The following PIK3CG variants were observed in gnomAD, a reference collection of about 807,000 sequenced individuals.
PIK3CG encodes the protein phosphatidylinositol-4,5-bisphosphate 3-kinase catalytic subunit gamma, also known as phosphatidylinositol 4,5-bisphosphate 3-kinase catalytic subunit gamma isoform.
Under a neutral mutation model 102.3 loss-of-function variants are expected in PIK3CG, and 55 were observed. The ratio of observed to expected loss-of-function variants is 0.54; its 90% CI spans 0.43 to 0.67. PIK3CG has a LOEUF of 0.67. Among genes scored for constraint, PIK3CG ranks in the 30% least tolerant of loss-of-function variants. The probability of loss-of-function intolerance (pLI) is 0.00; values close to 1 mark genes in which losing one functional copy is unlikely to be tolerated. For missense variants in PIK3CG, 1,258 were observed against 1,391.8 expected (o/e 0.90, Z 1.53); for synonymous variants, 552 against 540.0 (o/e 1.02, Z -0.31).
At chr7:106,886,407 A>G in intron 10 of PIK3CG, 115 bp downstream of exon 10, 2 of 976,220 alleles carry the variant, frequency 2.0e-6, no homozygotes, top group Non-Finnish European at 3.0e-6. Flanking sequence ...CTCTACCCCT[A>G]CCCTCTTCTG....
intron 4 of PIK3CG, among the ~76,000 whole-genome samples, chr7:106,873,268 C>A (rs181868750): frequency 9.2e-5 from 14 of 152,244 alleles, no homozygotes; most frequent in Admixed American, 5.2e-4. Context: ...TCTGAATATG[C>A]ACATACAGTT....
intron 5 of PIK3CG, among the ~76,000 whole-genome samples, chr7:106,876,910 T>C (rs1345769368): frequency 6.6e-6 from 1 of 152,184 alleles, no homozygotes; most frequent in Admixed American, 6.5e-5. Flanking sequence ...CTAAGAAATC[T>C]GTCTAGGACT....
In PIK3CG at chr7:106,894,836, T is replaced by C. The variant is rs1229172500; in HGVS notation, c.3030+8544T>C. 6.6e-6 allele frequency among the ~76,000 whole-genome samples: 1 copy of C among 152,200 alleles called. No homozygotes were observed. The highest frequency in any genetic ancestry group is 2.4e-5 in the African/African-American group (1 of 41,456). ...CATCAGTGGTTAATAAATTAGTAGA[T>C]TGTATATAAAAGTAGTTTGTTTTCA... On this transcript the variant is annotated intron_variant, in intron 10 of 10. Transcript: ENST00000496166. The surrounding 1 kb of genome is among the most constrained non-coding windows in gnomAD (Gnocchi z 4.4).
At position 106,906,831 on chromosome 7, in the gene PIK3CG, CTTT is replaced by C. The variant is rs571080689; in HGVS notation, c.*1459_*1461del. ...GACTTTGAGGTAGTCCAGACCTTTT[CTTT>C]TTTTTTTTTTTTTTAATGTGTGCAA... On this transcript the variant is annotated 3_prime_UTR_variant, in exon 11 of 11. Coordinates refer to ENST00000496166, the MANE Select transcript of PIK3CG (RefSeq NM_001282426.2). The C allele has an allele frequency of 1.1e-3, 196 of 180,866 alleles. No homozygotes were observed. Among genetic ancestry groups the C allele is most frequent in the Middle Eastern group, 1.7e-3 (1 of 586 alleles). The allele number at this position is 180,866 out of a possible 1,614,324, so 11.2% of individuals were successfully genotyped here.
In PIK3CG at chr7:106,893,970, A is replaced by G. The variant is rs1319027937; in HGVS notation, c.3030+7678A>G. 6.6e-6 allele frequency among the ~76,000 whole-genome samples: 1 copy of G among 152,224 alleles called. No homozygotes were observed. Among genetic ancestry groups the G allele is most frequent in the Admixed American group, 6.5e-5 (1 of 15,286 alleles). On this transcript the variant is annotated intron_variant, in intron 10 of 10. Coordinates refer to ENST00000496166, the MANE Select transcript of PIK3CG (RefSeq NM_001282426.2). This position sits in a 1 kb window ranked among gnomAD's most constrained non-coding sequence, Gnocchi z 4.4. Reference sequence around the variant, plus strand: ...ATGTTATGCACTTGTGTATCTAAACACATCTGAACGGAAAAGGAACAGTAA... The same window carrying G: ...ATGTTATGCACTTGTGTATCTAAACGCATCTGAACGGAAAAGGAACAGTAA...
In PIK3CG at chr7:106,897,022, T is replaced by C. The variant is rs1484002782; in HGVS notation, c.3031-8087T>C. Among the ~76,000 whole-genome samples the C allele has an allele frequency of 6.6e-6, 1 of 152,208 alleles. No homozygotes were observed. The highest frequency in any genetic ancestry group is 1.9e-4 in the East Asian group (1 of 5,198). On this transcript the variant is annotated intron_variant, in intron 10 of 10. Transcript: ENST00000496166. The surrounding 1 kb of genome is among the most constrained non-coding windows in gnomAD (Gnocchi z 4.6). ...TTATATTCTTTTTTCTATATAAATA[T>C]TTTGTGTTAATTTACCAAAATGGGA...
chr7:106,867,457 C>A lies in PIK3CG; in HGVS notation c.-12-93C>A, dbSNP rs1790325695. The A allele has an allele frequency of 3.4e-6, 4 of 1,165,940 alleles. No homozygotes were observed. Among genetic ancestry groups the A allele is most frequent in the Non-Finnish European group, 4.9e-6 (4 of 819,266 alleles). The allele number at this position is 1,165,940 out of a possible 1,614,324, so 72.2% of individuals were successfully genotyped here. ...CCCTCTGGGTCCCTGTGCACATGTA[C>A]GCCGCCTATACCTCCTCTTCCCTCA... is the stretch of plus-strand genomic sequence containing the variant. On this transcript the variant is annotated intron_variant, in intron 1 of 10. Coordinates refer to ENST00000496166, the MANE Select transcript of PIK3CG (RefSeq NM_001282426.2). This position sits in a 1 kb window ranked among gnomAD's most constrained non-coding sequence, Gnocchi z 5.1.
rs1272565639 is a variant in PIK3CG, at chr7:106,868,866, C to T, written c.1305C>T (p.Cys435=). ...KGALLNLQIY[C]GKAPALSSKA... is the part of the protein sequence containing the mutation. ...CTCTACTGAACCTCCAGATCTACTG[C>T]GGTAAAGCTCCAGCACTGTCCAGCA... Residue 435 remains cysteine (C), a synonymous_variant, in exon 2 of 11, where the codon TGC becomes TGT. Transcript: ENST00000496166. The surrounding 1 kb of genome is among the most constrained non-coding windows in gnomAD (Gnocchi z 6.2). 20 of 1,614,064 alleles carry T rather than the reference C, an allele frequency of 1.2e-5. No homozygotes were observed. The highest frequency in any genetic ancestry group is 4.5e-5 in the East Asian group (2 of 44,892).
At chr7:106,873,927 T>C (rs1399240257) in intron 4 of PIK3CG, among the ~76,000 whole-genome samples, 2 of 152,162 alleles carry the variant, frequency 1.3e-5, no homozygotes, top group African/African-American at 4.8e-5. Flanking sequence ...TCTGGTAAAC[T>C]GTATCAACCT....
At position 106,892,145 on chromosome 7, in the gene PIK3CG, C is replaced by T. The variant is rs1171324855; in HGVS notation, c.3030+5853C>T. On this transcript the variant is annotated intron_variant, in intron 10 of 10. Transcript: ENST00000496166. This position sits in a 1 kb window ranked among gnomAD's most constrained non-coding sequence, Gnocchi z 5.2. ...GGAGACTTGAGTATTCTCCCAAGCC[C>T]AGCCACAGGGACCACAGAGACCTTG... 6.6e-6 allele frequency among the ~76,000 whole-genome samples: 1 copy of T among 152,048 alleles called. No individual in the cohort carries two copies. The highest frequency in any genetic ancestry group is 1.5e-5 in the Non-Finnish European group (1 of 68,002).
rs1790584159 is a variant in PIK3CG at position 106,872,844 on chromosome 7, C to A, written c.2193C>A (p.Asp731Glu). 6.2e-7 allele frequency: 1 copy of A among 1,614,168 alleles called. No homozygotes were observed. Among genetic ancestry groups the A allele is most frequent in the Non-Finnish European group, 8.5e-7 (1 of 1,179,986 alleles). The change falls in exon 4 of 11, where the codon GAC becomes GAA. Residue 731 changes from aspartate to glutamate, a missense_variant. By Grantham distance (45) the Asp-to-Glu change is conservative. Coordinates refer to ENST00000496166, the MANE Select transcript of PIK3CG (RefSeq NM_001282426.2). This position sits in a 1 kb window ranked among gnomAD's most constrained non-coding sequence, Gnocchi z 5.3. Reference protein sequence around the residue: ...LRGCGTAMLHDFTQQVQVIEM... With the variant: ...LRGCGTAMLHEFTQQVQVIEM... ...GCTGTGGCACAGCCATGCTGCACGACTTTACCCAACAAGTCCAAGTAATCG... is the reference window on the plus strand; with the variant it reads ...GCTGTGGCACAGCCATGCTGCACGAATTTACCCAACAAGTCCAAGTAATCG...
chr7:106,890,706 C>A lies in PIK3CG; in HGVS notation c.3030+4414C>A, dbSNP rs930034096. Among the ~76,000 whole-genome samples the A allele has an allele frequency of 6.6e-6, 1 of 152,218 alleles. No homozygotes were observed. Among genetic ancestry groups the A allele is most frequent in the South Asian group, 2.1e-4 (1 of 4,830 alleles). On this transcript the variant is annotated intron_variant, in intron 10 of 10. Coordinates refer to ENST00000496166, the MANE Select transcript of PIK3CG (RefSeq NM_001282426.2). The surrounding 1 kb of genome is among the most constrained non-coding windows in gnomAD (Gnocchi z 4.2). ...GTTCGTCTCTTCAAATTGAGTAAGG[C>A]TGATTAACATCCATGAGATGGTAGT...
At chr7:106,889,909 T>G (rs1043322274) in intron 10 of PIK3CG, among the ~76,000 whole-genome samples, 12 of 152,222 alleles carry the variant, frequency 7.9e-5, no homozygotes, top group African/African-American at 2.9e-4. Flanking sequence ...GAGTATCTAT[T>G]AGCCATTGGA....
chr7:106,899,016 T>C lies in PIK3CG; in HGVS notation c.3031-6093T>C, dbSNP rs1791478809. On this transcript the variant is annotated intron_variant, in intron 10 of 10. Transcript: ENST00000496166. The surrounding 1 kb of genome is among the most constrained non-coding windows in gnomAD (Gnocchi z 4.6). ...CCATGAGCATGGTATGTTTTTCCAT[T>C]TGTTGGTGTCTTCTCTGATTTCTTA... Among the ~76,000 whole-genome samples, 1 of 152,188 alleles carries C rather than the reference T, an allele frequency of 6.6e-6. No homozygotes were observed. Among genetic ancestry groups the C allele is most frequent in the Non-Finnish European group, 1.5e-5 (1 of 68,042 alleles).
At position 106,874,536 on chromosome 7, in the gene PIK3CG, A is replaced by G. The variant is rs1008226783; in HGVS notation, c.2288-164A>G. Among the ~76,000 whole-genome samples the G allele has an allele frequency of 6.6e-6, 1 of 152,192 alleles. No homozygotes were observed. The highest frequency in any genetic ancestry group is 2.4e-5 in the African/African-American group (1 of 41,442). ...TAAGCCCAATGTATCTTGCCACCTC[A>G]TATGGTTAGCTCCTCAAAGGCAGGG... On this transcript the variant is annotated intron_variant, in intron 4 of 10. Transcript: ENST00000496166. This position sits in a 1 kb window ranked among gnomAD's most constrained non-coding sequence, Gnocchi z 4.3.
chr7:106,875,896 C>G (rs1324086051), intron 5 of PIK3CG, among the ~76,000 whole-genome samples: 2 of 143,450 alleles, frequency 1.4e-5, no homozygotes, highest in Non-Finnish European at 3.0e-5. Flanking sequence ...TTGTTATCAT[C>G]AGTTTTTTTT....
rs1360581506 is a variant in PIK3CG, at chr7:106,871,871, A to C, written c.1996-666A>C. Among the ~76,000 whole-genome samples, 5 of 152,356 alleles carry C rather than the reference A, an allele frequency of 3.3e-5. No individual in the cohort carries two copies. The South Asian group carries it at 6.2e-4, about 19-fold the overall frequency. ...ATATGAAAATTACTAAACACTAAAA[A>C]TGAAGATCAAATTATACTTAAGAAA... On this transcript the variant is annotated intron_variant, in intron 2 of 10. Transcript: ENST00000496166.
Position 106,891,679 on chromosome 7 carries a change from C to A in PIK3CG, c.3030+5387C>A, listed in dbSNP as rs1051360219. Among the ~76,000 whole-genome samples the A allele has an allele frequency of 6.6e-6, 1 of 152,122 alleles. No individual in the cohort carries two copies. The highest frequency in any genetic ancestry group is 2.1e-4 in the South Asian group (1 of 4,828). ...CCAAATAACACATCTACAGACAAAT[C>A]TATGCAAAGCAGGTCGTTTGAGGAC... On this transcript the variant is annotated intron_variant, in intron 10 of 10. Coordinates refer to ENST00000496166, the MANE Select transcript of PIK3CG (RefSeq NM_001282426.2). The surrounding 1 kb of genome is among the most constrained non-coding windows in gnomAD (Gnocchi z 4.4).
Position 106,867,891 on chromosome 7 carries a change from C to T in PIK3CG, c.330C>T (p.Tyr110=), listed in dbSNP as rs374729346. 9.8e-5 allele frequency: 158 copies of T among 1,612,724 alleles called. No individual in the cohort carries two copies. The highest frequency in any genetic ancestry group is 1.3e-4 in the Non-Finnish European group (151 of 1,179,824). Residue 110 remains tyrosine (Y), a synonymous_variant, in exon 2 of 11, where the codon TAC becomes TAT. Coordinates refer to ENST00000496166, the MANE Select transcript of PIK3CG (RefSeq NM_001282426.2). The surrounding 1 kb of genome is among the most constrained non-coding windows in gnomAD (Gnocchi z 5.1). ...AGAAGGGGCAGTGGTACGAGATCTA[C>T]GACAAGTACCAGGTGGTGCAGACTC... The part of the protein sequence containing the change: ...YQKKGQWYEI[Y]DKYQVVQTLD...
Sources: gnomAD v4.1 joint callset for allele counts (sites outside exome capture counted in the v4.1 genomes callset) on GRCh38, gnomAD v4.1.1 for gene constraint, Gnocchi (gnomAD v3.1) non-coding constraint, MANE v1.5 for transcripts, NCBI Gene and HGNC (gene_info 2026-07-23, HGNC 2026-07-21) for gene names.